Variants in ITPRID2 observed in about 807,000 individuals in gnomAD.
ITPRID2 encodes the protein protein ITPRID2.
In ITPRID2, 60 loss-of-function variants were observed where a neutral mutation model predicts 124.3. The ratio of observed to expected loss-of-function variants is 0.48; its 90% CI spans 0.39 to 0.60. The LOEUF is 0.60. Among genes scored for constraint, ITPRID2 ranks in the 20% least tolerant of loss-of-function variants. The probability of loss-of-function intolerance (pLI) is 0.00; values close to 1 mark genes in which losing one functional copy is unlikely to be tolerated. For missense variants in ITPRID2, 1,553 were observed against 1,512.2 expected (o/e 1.03, Z -0.45); for synonymous variants, 521 against 542.9 (o/e 0.96, Z 0.56).
At chr2:181,925,601 C>T (rs1035961591) in intron 16 of ITPRID2, among the ~76,000 whole-genome samples, 2 of 152,174 alleles carry the variant, frequency 1.3e-5, no homozygotes, top group Non-Finnish European at 2.9e-5. Flanking sequence ...CTCACTCTCT[C>T]ATTGATTCAT....
At chr2:181,915,097 G>A in intron 10 of ITPRID2, 119 bp from the exon 11 acceptor site, 1 of 1,185,586 alleles carries the variant, frequency 8.4e-7, no homozygotes, top group South Asian at 1.5e-5. Flanking sequence ...TTGAGCAACA[G>A]CAGGGCCACA....
At chr2:181,921,888 C>G in intron 15 of ITPRID2, 60 bp from the exon 16 acceptor site, 2 of 1,480,828 alleles carry the variant, frequency 1.4e-6, no homozygotes, top group South Asian at 2.6e-5. Flanking sequence ...GGACTTTAAC[C>G]TTTTTAGCTA....
intron 4 of ITPRID2, among the ~76,000 whole-genome samples, chr2:181,898,365 A>T (rs902121276): frequency 6.6e-6 from 1 of 152,030 alleles, no homozygotes; most frequent in African/African-American, 2.4e-5. Flanking sequence ...GCAATTTTTA[A>T]AAGAAAGTTT....
rs1225775247 is a variant in ITPRID2 at position 181,891,908 on chromosome 2, C to T, written c.-159C>T. On this transcript the variant is annotated 5_prime_UTR_variant, in exon 1 of 18. Transcript: ENST00000431877. ...CTTCCCTCCCCTTCCTTCCCTCCCT[C>T]CCTCCCTGTCCCCTCCTCCTCCTCC... is the stretch of plus-strand genomic sequence containing the variant. 4.7e-6 allele frequency: 2 copies of T among 425,476 alleles called. No individual in the cohort carries two copies. Among genetic ancestry groups the T allele is most frequent in the Non-Finnish European group, 8.6e-6 (2 of 232,890 alleles). The allele number at this position is 425,476 out of a possible 1,614,324, so 26.4% of individuals were successfully genotyped here. A position where few individuals can be genotyped will look rare whatever the true frequency, so the allele number is the denominator to read the frequency against.
intron 14 of ITPRID2, among the ~76,000 whole-genome samples, chr2:181,920,208 A>G (rs1042043200): frequency 6.6e-6 from 1 of 152,238 alleles, no homozygotes; most frequent in Non-Finnish European, 1.5e-5. Context: ...ATGTGTGTAT[A>G]TACTATAAAT....
rs115304473 is a variant in ITPRID2, at chr2:181,927,899, A to G, written c.3676-262A>G. ...TACTAGAAGTTTTTTAACTTATGAA[A>G]TAACATTTTCTAATGTCCTCACCTT... On this transcript the variant is annotated intron_variant, in intron 16 of 17. Coordinates refer to ENST00000431877, the MANE Select transcript of ITPRID2 (RefSeq NM_001130445.3). 8.7e-3 allele frequency among the ~76,000 whole-genome samples: 1,327 copies of G among 152,332 alleles called. 11 individuals carry two copies. Among genetic ancestry groups the G allele is most frequent in the African/African-American group, 0.03 (1,250 of 41,570 alleles).
In ITPRID2 at chr2:181,910,092, CAGGT is replaced by C. The variant is rs1313288198; in HGVS notation, c.1486+125_1486+128del. 48 of 648,828 alleles carry C rather than the reference CAGGT, an allele frequency of 7.4e-5. No individual in the cohort carries two copies. The highest frequency in any genetic ancestry group is 1.6e-4 in the South Asian group (7 of 45,066). 40.2% of individuals were successfully genotyped at this position (648,828 alleles called of 1,614,324 possible). A position where few individuals can be genotyped will look rare whatever the true frequency, so the allele number is the denominator to read the frequency against. ...AGTGTGAAAAGGCAAAGAACACACA[CAGGT>C]AGGCATGATTCACTATTGTTTGTAG... On this transcript the variant is annotated intron_variant, in intron 9 of 17. Coordinates refer to ENST00000431877, the MANE Select transcript of ITPRID2 (RefSeq NM_001130445.3). This position sits in a 1 kb window ranked among gnomAD's most constrained non-coding sequence, Gnocchi z 4.1.
Position 181,901,752 on chromosome 2 carries a change from GTTTCT to G in ITPRID2, c.713-10_713-6del. On this transcript the variant is annotated splice_polypyrimidine_tract_variant and intron_variant, in intron 7 of 17. Coordinates refer to ENST00000431877, the MANE Select transcript of ITPRID2 (RefSeq NM_001130445.3). ...TAAATATAAACATATCATTAATATTGTTTCTTTTGGTAGGCCGTTTTCGTCAAATT... is the reference window on the plus strand; with the variant it reads ...TAAATATAAACATATCATTAATATTGTTTGGTAGGCCGTTTTCGTCAAATT... The G allele has an allele frequency of 6.4e-7, 1 of 1,557,940 alleles. No individual in the cohort carries two copies. Among genetic ancestry groups the G allele is most frequent in the Non-Finnish European group, 8.7e-7 (1 of 1,152,694 alleles).
chr2:181,924,342 T>C (rs1694696966), intron 16 of ITPRID2, among the ~76,000 whole-genome samples: 1 of 152,244 alleles, frequency 6.6e-6, no homozygotes, highest in East Asian at 1.9e-4. Context: ...GTATTTAAAA[T>C]TTAGTTTGGT....
At position 181,905,055 on chromosome 2, in the gene ITPRID2, CTTTT is replaced by C. The variant is rs869067212; in HGVS notation, c.1413+2602_1413+2605del. On this transcript the variant is annotated intron_variant, in intron 8 of 17. Transcript: ENST00000431877. The surrounding 1 kb of genome is among the most constrained non-coding windows in gnomAD (Gnocchi z 4.1). The stretch of plus-strand genomic sequence containing the variant: ...ATGAATGTTTATAACGATGTTTTTT[CTTTT>C]TTTTTTTTTTTTGAGACGGAGTCGC... Among the ~76,000 whole-genome samples the C allele has an allele frequency of 2.2e-5, 3 of 136,396 alleles. No homozygotes were observed. Among genetic ancestry groups the C allele is most frequent in the Non-Finnish European group, 1.6e-5 (1 of 62,700 alleles). 89.5% of individuals were successfully genotyped at this position (136,396 alleles called of 152,430 possible). A position where few individuals can be genotyped will look rare whatever the true frequency, so the allele number is the denominator to read the frequency against.
In ITPRID2 at chr2:181,907,752, C is replaced by T. The variant is rs1346493649; in HGVS notation, c.1414-2147C>T. Among the ~76,000 whole-genome samples, 2 of 151,990 alleles carry T rather than the reference C, an allele frequency of 1.3e-5. No homozygotes were observed. Among genetic ancestry groups the T allele is most frequent in the East Asian group, 3.9e-4 (2 of 5,184 alleles). On this transcript the variant is annotated intron_variant, in intron 8 of 17. Transcript: ENST00000431877. The surrounding 1 kb of genome is among the most constrained non-coding windows in gnomAD (Gnocchi z 5.1). Reference sequence around the variant, plus strand: ...ACTGCCGCCTTTTGCACAATTGTGACCAATAATAAAATAAGAAATTCACCC... The same window carrying T: ...ACTGCCGCCTTTTGCACAATTGTGATCAATAATAAAATAAGAAATTCACCC...
intron 4 of ITPRID2, 115 bp downstream of exon 4, chr2:181,897,079 T>C: frequency 1.2e-6 from 1 of 848,182 alleles, no homozygotes; most frequent in Non-Finnish European, 2.0e-6. Flanking sequence ...GTCTTGAAAA[T>C]GGCTCAGGCA....
At position 181,926,260 on chromosome 2, in the gene ITPRID2, T is replaced by G. The variant is rs557968476; in HGVS notation, c.3676-1901T>G. 8.1e-4 allele frequency among the ~76,000 whole-genome samples: 124 copies of G among 152,252 alleles called. 2 individuals are homozygous for G. Among genetic ancestry groups the G allele is most frequent in the African/African-American group, 2.8e-3 (117 of 41,560 alleles). ...CTCTGGATGACACAGCAAGACTCTG[T>G]CACAAAAATAAATAAATAAGAAATA... is the stretch of plus-strand genomic sequence containing the variant. On this transcript the variant is annotated intron_variant, in intron 16 of 17. Transcript: ENST00000431877.
intron 6 of ITPRID2, 124 bp from the exon 7 acceptor site, chr2:181,900,572 G>A (rs1247760384): frequency 1.4e-6 from 1 of 700,050 alleles, no homozygotes; most frequent in East Asian, 2.7e-5. Flanking sequence ...GGTTTCCAGA[G>A]CAGAAGCTGA....
rs1019798527 is a variant in ITPRID2 at position 181,910,289 on chromosome 2, A to G, written c.1486+318A>G. Among the ~76,000 whole-genome samples, 14 of 152,182 alleles carry G rather than the reference A, an allele frequency of 9.2e-5. No homozygotes were observed. Among genetic ancestry groups the G allele is most frequent in the Non-Finnish European group, 1.8e-4 (12 of 68,024 alleles). On this transcript the variant is annotated intron_variant, in intron 9 of 17. Coordinates refer to ENST00000431877, the MANE Select transcript of ITPRID2 (RefSeq NM_001130445.3). The surrounding 1 kb of genome is among the most constrained non-coding windows in gnomAD (Gnocchi z 4.1). ...GCAATGGATTAAGACTACCTTTTACATTGTTATGACTGAAAAATATACTGG... is the reference window on the plus strand; with the variant it reads ...GCAATGGATTAAGACTACCTTTTACGTTGTTATGACTGAAAAATATACTGG...
chr2:181,915,437 C>T lies in ITPRID2; in HGVS notation c.1797C>T (p.Cys599=). The T allele has an allele frequency of 6.2e-7, 1 of 1,614,104 alleles. No homozygotes were observed. The highest frequency in any genetic ancestry group is 8.5e-7 in the Non-Finnish European group (1 of 1,180,022). ...RKSGSQDFPQ[C]NTIENTGTKQ... ...CAGGTAGCCAGGATTTCCCTCAGTGCAACACCATTGAGAATACAGGAACTA... is the reference window on the plus strand; with the variant it reads ...CAGGTAGCCAGGATTTCCCTCAGTGTAACACCATTGAGAATACAGGAACTA... Residue 599 remains cysteine, a synonymous_variant, in exon 11 of 18, where the codon TGC becomes TGT. Coordinates refer to ENST00000431877, the MANE Select transcript of ITPRID2 (RefSeq NM_001130445.3).
rs1195578307 is a variant in ITPRID2, at chr2:181,907,940, G to A, written c.1414-1959G>A. Among the ~76,000 whole-genome samples, 1 of 152,188 alleles carries A rather than the reference G, an allele frequency of 6.6e-6. No homozygotes were observed. Among genetic ancestry groups the A allele is most frequent in the Non-Finnish European group, 1.5e-5 (1 of 68,032 alleles). On this transcript the variant is annotated intron_variant, in intron 8 of 17. Transcript: ENST00000431877. The surrounding 1 kb of genome is among the most constrained non-coding windows in gnomAD (Gnocchi z 5.1). ...TTAATTATGGAGTTTGTAGTAAAAG[G>A]AGAGAGTAGATTTGTTTTTGCCATT...
chr2:181,917,130 A>T (rs570194095), intron 11 of ITPRID2: 8 of 401,218 alleles, frequency 2.0e-5, no homozygotes, highest in African/African-American at 1.7e-4. Context: ...CGTTGTCTTC[A>T]GTTTTGCCTT....
rs1692649771 is a variant in ITPRID2, at chr2:181,901,346, A to G, written c.713-420A>G. On this transcript the variant is annotated intron_variant, in intron 7 of 17. Transcript: ENST00000431877. ...GATTCCAATCCTGCATTGTTCATGG[A>G]TCAGTTTTAAGAGATCAATAAATCC... 2.6e-5 allele frequency among the ~76,000 whole-genome samples: 4 copies of G among 152,296 alleles called. No individual in the cohort carries two copies. The South Asian group carries it at 8.3e-4, about 32-fold the overall frequency.
Sources: gnomAD v4.1 joint callset for allele counts (sites outside exome capture counted in the v4.1 genomes callset) on GRCh38, gnomAD v4.1.1 for gene constraint, Gnocchi (gnomAD v3.1) non-coding constraint, MANE v1.5 for transcripts, NCBI Gene and HGNC (gene_info 2026-07-23, HGNC 2026-07-21) for gene names.